The following RPE variants were observed in gnomAD, a reference collection of about 807,000 sequenced individuals.
RPE encodes ribulose-5-phosphate-3-epimerase.
Under a neutral mutation model 24.6 loss-of-function variants are expected in RPE, and 16 were observed. That is an observed-to-expected ratio of 0.65 (90% confidence interval 0.44 to 0.99). The LOEUF (loss-of-function observed/expected upper bound fraction) is 0.99, where lower values mean the gene tolerates loss of function less well. Ranked by LOEUF, RPE falls within the 50% of genes least tolerant of loss-of-function variation. The pLI is 0.00. For synonymous variants in RPE, 93 were observed against 98.4 expected (o/e 0.94, Z 0.33); for missense variants, 240 against 294.5 (o/e 0.81, Z 1.35).
At chr2:210,008,401 T>A (rs2093658844) in intron 1 of RPE, among the ~76,000 whole-genome samples, 1 of 150,212 alleles carries the variant, frequency 6.7e-6, no homozygotes, top group East Asian at 2.0e-4. Context: ...GTACAAGCGA[T>A]CTTCCTGCCT....
chr2:210,016,289 T>G (rs751317146), intron 3 of RPE, 177 bp downstream of exon 3: 1 of 1,610,488 alleles, frequency 6.2e-7, no homozygotes, highest in Non-Finnish European at 8.5e-7. Context: ...CAGCTGTTCT[T>G]CAGCTATGAT....
chr2:210,015,726 A>G (rs578182527), intron 2 of RPE, among the ~76,000 whole-genome samples: 1 of 152,322 alleles, frequency 6.6e-6, no homozygotes, highest in East Asian at 1.9e-4. Context: ...TTTAGATGTT[A>G]ACTTTTTATA....
At chr2:210,014,816 G>A (rs757769619) in intron 2 of RPE, among the ~76,000 whole-genome samples, 1 of 151,220 alleles carries the variant, frequency 6.6e-6, no homozygotes, top group Non-Finnish European at 1.5e-5. Flanking sequence ...TTTCAGAAAT[G>A]TGCTTCCTCT....
intron 1 of RPE, 117 bp downstream of exon 1, chr2:210,002,900 G>A: frequency 1.9e-6 from 3 of 1,580,050 alleles, no homozygotes; most frequent in Non-Finnish European, 2.6e-6. Flanking sequence ...CACTCTGAAC[G>A]CGATGCTAGA....
Position 210,018,801 on chromosome 2 carries a change from A to G in RPE, c.565-868A>G, listed in dbSNP as rs374611187. Reference sequence around the variant, plus strand: ...GAACTCCCACAAGCTTAGCGTTCCAATAATGGAACACTAGGCATAAATGGG... The same window carrying G: ...GAACTCCCACAAGCTTAGCGTTCCAGTAATGGAACACTAGGCATAAATGGG... On this transcript the variant is annotated intron_variant, in intron 5 of 5. Transcript: ENST00000359429. 437 of 542,396 alleles carry G rather than the reference A, an allele frequency of 8.1e-4. 1 individual carries two copies. Among genetic ancestry groups the G allele is most frequent in the Non-Finnish European group, 9.5e-4 (405 of 425,266 alleles). The allele number at this position is 542,396 out of a possible 1,614,324, so 33.6% of individuals were successfully genotyped here.
In RPE at chr2:210,019,846, A is replaced by C; in HGVS notation, c.*55A>C. 6.4e-7 allele frequency: 1 copy of C among 1,563,612 alleles called. No individual in the cohort carries two copies. On this transcript the variant is annotated 3_prime_UTR_variant, in exon 6 of 6. Transcript: ENST00000359429. ...TGAAATCTCCCTTTTACTGGAAAACAGGAATATTGACTACCAAATCACAAT... is the reference window on the plus strand; with the variant it reads ...TGAAATCTCCCTTTTACTGGAAAACCGGAATATTGACTACCAAATCACAAT...
intron 5 of RPE, chr2:210,018,750 G>A (rs1016633893): frequency 2.0e-5 from 19 of 964,994 alleles, no homozygotes; most frequent in Admixed American, 1.2e-4. Flanking sequence ...AGACCTTGGC[G>A]ATGACCTTAA....
intron 1 of RPE, among the ~76,000 whole-genome samples, chr2:210,009,361 A>G (rs2093671786): frequency 6.6e-6 from 1 of 152,178 alleles, no homozygotes; most frequent in Admixed American, 6.5e-5. Context: ...GCAAGTCATA[A>G]AGCCTGAGGG....
rs1416815901 is a variant in RPE at position 210,022,188 on chromosome 2, A to T, written c.*2397A>T. ...TTGCTTGCTTTATTTTGTTAGGAGT[A>T]AACAGAAAGTAGCCTGTGTTTAGTC... On this transcript the variant is annotated 3_prime_UTR_variant, in exon 6 of 6. Transcript: ENST00000359429. 2 of 152,068 alleles carry T rather than the reference A, an allele frequency of 1.3e-5. No homozygotes were observed. The highest frequency in any genetic ancestry group is 4.1e-4 in the South Asian group (2 of 4,822). The allele number at this position is 152,068 out of a possible 1,614,324, so 9.4% of individuals were successfully genotyped here. A position where few individuals can be genotyped will look rare whatever the true frequency, so the allele number is the denominator to read the frequency against.
At chr2:210,016,412 A>G in intron 3 of RPE, 95 bp from the exon 4 acceptor site, 2 of 1,578,786 alleles carry the variant, frequency 1.3e-6, no homozygotes, top group East Asian at 2.2e-5. Context: ...CTTTTAAAAA[A>G]TAAGAACAGA....
Position 210,016,476 on chromosome 2 carries a change from A to G in RPE, c.343-31A>G, listed in dbSNP as rs1168269893. The G allele has an allele frequency of 3.7e-6, 6 of 1,613,840 alleles. No individual in the cohort carries two copies. The East Asian group carries it at 1.3e-4, about 36-fold the overall frequency. ...TAATATAATACAGAAGTAATTGTAA[A>G]TGTGATATAGCATATTTGTGTCTGT... On this transcript the variant is annotated intron_variant, in intron 3 of 5. Coordinates refer to ENST00000359429, the MANE Select transcript of RPE (RefSeq NM_199229.3).
intron 5 of RPE, chr2:210,017,996 C>T (rs574848007): frequency 1.7e-5 from 12 of 722,732 alleles, no homozygotes; most frequent in East Asian, 2.9e-5. Flanking sequence ...CTGCCTGCCT[C>T]GGCCTCCCAA....
intron 1 of RPE, among the ~76,000 whole-genome samples, chr2:210,008,156 G>A (rs1332105015): frequency 6.6e-6 from 1 of 152,128 alleles, no homozygotes; most frequent in African/African-American, 2.4e-5. Flanking sequence ...ATAGCAGTAG[G>A]GTTGTGAATT....
intron 2 of RPE, among the ~76,000 whole-genome samples, chr2:210,013,423 C>T (rs949543814): frequency 1.1e-4 from 17 of 151,812 alleles, no homozygotes; most frequent in African/African-American, 4.1e-4. Context: ...GCAGTCCTCC[C>T]ACCTCACCTC....
intron 1 of RPE, 87 bp downstream of exon 1, chr2:210,002,870 C>T: frequency 6.2e-7 from 1 of 1,606,224 alleles, no homozygotes. Context: ...TGTACCGCGT[C>T]CCTGTACCAC....
chr2:210,009,868 G>A, intron 2 of RPE, 132 bp downstream of exon 2: 1 of 1,201,320 alleles, frequency 8.3e-7, no homozygotes, highest in Non-Finnish European at 1.2e-6. Context: ...TCATTGGCCT[G>A]ACTCCAGTAA....
intron 2 of RPE, among the ~76,000 whole-genome samples, chr2:210,011,010 C>T (rs1362335317): frequency 6.6e-6 from 1 of 152,186 alleles, no homozygotes; most frequent in Non-Finnish European, 1.5e-5. Flanking sequence ...TCAGTAGTCA[C>T]ATATTGTACA....
At position 210,017,597 on chromosome 2, in the gene RPE, C is replaced by T. The variant is rs367899750; in HGVS notation, c.564+38C>T. The T allele has an allele frequency of 5.0e-5, 78 of 1,573,854 alleles. No individual in the cohort carries two copies. The Middle Eastern group carries it at 6.7e-4, about 13-fold the overall frequency. ...TTCAACTATGACTAGACCAATTTCC[C>T]GTCAAATATGTCTCCAGGACATTGT... On this transcript the variant is annotated intron_variant, in intron 5 of 5. Transcript: ENST00000359429.
chr2:210,008,753 T>A (rs1206182025), intron 1 of RPE, among the ~76,000 whole-genome samples: 1 of 152,162 alleles, frequency 6.6e-6, no homozygotes, highest in African/African-American at 2.4e-5. Context: ...TGGAATACAG[T>A]GGCACGATCT....
Sources: gnomAD v4.1 joint callset for allele counts (sites outside exome capture counted in the v4.1 genomes callset) on GRCh38, gnomAD v4.1.1 for gene constraint, MANE v1.5 for transcripts, NCBI Gene and HGNC (gene_info 2026-07-23, HGNC 2026-07-21) for gene names.